The following VPS13B variants were observed in gnomAD, a reference collection of about 807,000 sequenced individuals.
VPS13B encodes intermembrane lipid transfer protein VPS13B.
In VPS13B, 285 loss-of-function variants were observed where a neutral mutation model predicts 426.4. That is an observed-to-expected ratio of 0.67 (90% CI 0.61 to 0.74). VPS13B has a LOEUF of 0.74. VPS13B is among the 30% of genes least tolerant of loss of function. VPS13B has a pLI of 0.00. For synonymous variants in VPS13B, 1,676 were observed against 1,676.4 expected, an observed-to-expected ratio of 1.00 and a Z score of 0.01; for missense variants, 4,537 against 4,782.6, an observed-to-expected ratio of 0.95 and a Z score of 1.51.
Position 99,853,449 on chromosome 8 carries a change from A to C in VPS13B, c.10062-2A>C. 6.2e-7 allele frequency: 1 copy of C among 1,614,150 alleles called. No homozygotes were observed. The highest frequency in any genetic ancestry group is 8.5e-7 in the Non-Finnish European group (1 of 1,179,994). Reference sequence around the variant, plus strand: ...TAATGTTCTTGTCCCTTTCTCCTCTAGAGCGCCAGAGAAGATTGTTACATT... The same window carrying C: ...TAATGTTCTTGTCCCTTTCTCCTCTCGAGCGCCAGAGAAGATTGTTACATT... On this transcript the variant is annotated splice_acceptor_variant, in intron 55 of 61. Coordinates refer to ENST00000357162, the MANE Select transcript of VPS13B (RefSeq NM_152564.5). LOFTEE classifies it high-confidence loss of function.
At chr8:99,829,003 C>G (rs532062269) in intron 51 of VPS13B, among the ~76,000 whole-genome samples, 1 of 152,286 alleles carries the variant, frequency 6.6e-6, no homozygotes, top group East Asian at 1.9e-4. Flanking sequence ...TTGTGGGTAA[C>G]TGGATCTTTC....
chr8:99,151,579 G>T (rs186648998), intron 14 of VPS13B, among the ~76,000 whole-genome samples: 1 of 151,956 alleles, frequency 6.6e-6, no homozygotes, highest in Admixed American at 6.6e-5. Flanking sequence ...TGTTGCCCAG[G>T]CTGGAGTGCA....
In VPS13B at chr8:99,608,917, A is replaced by C. The variant is rs114085890; in HGVS notation, c.5220+31284A>C. 3.9e-5 allele frequency among the ~76,000 whole-genome samples: 6 copies of C among 152,064 alleles called. No individual in the cohort carries two copies. In the South Asian group the frequency reaches 1.2e-3, roughly 32 times the overall value. On this transcript the variant is annotated intron_variant, in intron 33 of 61. Coordinates refer to ENST00000357162, the MANE Select transcript of VPS13B (RefSeq NM_152564.5). The stretch of plus-strand genomic sequence containing the variant: ...TATATATATATTTATTAGGTGATGG[A>C]CTTTTGGGTTGTTTCCACCTTTTGG...
chr8:99,681,850 T>A (rs1414257225), intron 35 of VPS13B, among the ~76,000 whole-genome samples: 1 of 152,128 alleles, frequency 6.6e-6, no homozygotes, highest in Admixed American at 6.6e-5. Context: ...TAAATAACAC[T>A]TTTGACATAA....
rs143171101 is a variant in VPS13B, at chr8:99,572,232, A to G, written c.4950-3426A>G. ...AAGAATATACGCAGTGGACTTGAAG[A>G]TCTATACCAGCACAAACTTTGCTTT... On this transcript the variant is annotated intron_variant, in intron 31 of 61. Transcript: ENST00000357162. Among the ~76,000 whole-genome samples, 35 of 152,332 alleles carry G rather than the reference A, an allele frequency of 2.3e-4. 1 individual carries two copies. Among genetic ancestry groups the G allele is most frequent in the Middle Eastern group, 3.4e-3 (1 of 294 alleles).
chr8:99,239,423 G>A (rs1419380355), intron 17 of VPS13B, among the ~76,000 whole-genome samples: 2 of 152,078 alleles, frequency 1.3e-5, no homozygotes, highest in African/African-American at 4.8e-5. Context: ...ATGTGGTTTT[G>A]TTTATTACAG....
At chr8:99,699,403 C>T (rs1343670558) in intron 35 of VPS13B, 122 bp from the exon 36 acceptor site, 22 of 1,021,054 alleles carry the variant, frequency 2.2e-5, no homozygotes, top group Non-Finnish European at 3.2e-5. Flanking sequence ...CATGTTCAGG[C>T]ATCCTAATGA....
intron 19 of VPS13B, among the ~76,000 whole-genome samples, chr8:99,285,217 C>T (rs191705930): frequency 6.6e-6 from 1 of 152,102 alleles, no homozygotes; most frequent in East Asian, 1.9e-4. Context: ...GTACCCTGGA[C>T]GCTATGATGT....
chr8:99,100,452 A>G (rs900621214), intron 4 of VPS13B, among the ~76,000 whole-genome samples: 1 of 151,988 alleles, frequency 6.6e-6, no homozygotes, highest in Non-Finnish European at 1.5e-5. Context: ...CACGACACCC[A>G]GTTAATTTTT....
At chr8:99,552,429 C>T (rs1288760405) in intron 30 of VPS13B, among the ~76,000 whole-genome samples, 1 of 151,998 alleles carries the variant, frequency 6.6e-6, no homozygotes, top group African/African-American at 2.4e-5. Context: ...CATCTGGCAG[C>T]ACTGTCTACC....
chr8:99,833,723 A>G (rs1385856042), intron 52 of VPS13B, among the ~76,000 whole-genome samples: 1 of 152,254 alleles, frequency 6.6e-6, no homozygotes, highest in Non-Finnish European at 1.5e-5. Flanking sequence ...ACAAAATTTG[A>G]AACAAAACAA....
At chr8:99,360,128 T>A (rs577580841) in intron 19 of VPS13B, among the ~76,000 whole-genome samples, 113 of 20,798 alleles carry the variant, frequency 5.4e-3, no homozygotes, top group Middle Eastern at 0.02. Context: ...TTATCTTTCT[T>A]TCTTTCTTTC....
intron 3 of VPS13B, among the ~76,000 whole-genome samples, chr8:99,087,448 C>T (rs375517042): frequency 2.6e-4 from 39 of 152,078 alleles, no homozygotes; most frequent in African/African-American, 5.3e-4. Flanking sequence ...ACGCTTGGTA[C>T]GCTGCACCCA....
At chr8:99,418,516 C>CTTTCT (rs1816188660) in intron 21 of VPS13B, among the ~76,000 whole-genome samples, 1 of 69,568 alleles carries the variant, frequency 1.4e-5, no homozygotes, top group Non-Finnish European at 3.2e-5. Flanking sequence ...TCTTTCTTTC[C>CTTTCT]TTTCTTTCTT....
At chr8:99,750,637 A>G (rs1810344840) in intron 39 of VPS13B, among the ~76,000 whole-genome samples, 1 of 152,146 alleles carries the variant, frequency 6.6e-6, no homozygotes, top group South Asian at 2.1e-4. Flanking sequence ...AGAAGCTGAG[A>G]TTAGTGCTTA....
chr8:99,581,840 A>G (rs1470684811), intron 33 of VPS13B, among the ~76,000 whole-genome samples: 2 of 152,262 alleles, frequency 1.3e-5, no homozygotes, highest in African/African-American at 2.4e-5. Context: ...ATTCCATATT[A>G]CAAAGTACAT....
At chr8:99,340,553 C>A in intron 19 of VPS13B, 2 of 466,564 alleles carry the variant, frequency 4.3e-6, no homozygotes, top group Non-Finnish European at 8.6e-6. Context: ...TGTCTGGTCA[C>A]CTGGGTGGTA....
chr8:99,033,302 G>A (rs1355150104), intron 2 of VPS13B, among the ~76,000 whole-genome samples: 1 of 152,094 alleles, frequency 6.6e-6, no homozygotes, highest in Non-Finnish European at 1.5e-5. Context: ...AGAATTCTTG[G>A]AGAAATTAGG....
intron 30 of VPS13B, among the ~76,000 whole-genome samples, chr8:99,532,552 A>G (rs1048279766): frequency 2.6e-5 from 4 of 152,110 alleles, no homozygotes; most frequent in Non-Finnish European, 1.5e-5. Context: ...AAATTCTTCC[A>G]GAAGTATATA....
Sources: allele counts gnomAD v4.1 joint callset (sites outside exome capture counted in the v4.1 genomes callset), GRCh38; gene constraint gnomAD v4.1.1; transcripts MANE v1.5; gene names NCBI Gene and HGNC (gene_info 2026-07-23, HGNC 2026-07-21).